NUTM1: variants seen among roughly 807,000 people sequenced by gnomAD.
NUTM1 encodes NUT family member 1.
Under a neutral mutation model 88.7 loss-of-function variants are expected in NUTM1, and 39 were observed. The observed-to-expected ratio is 0.44, with a 90% confidence interval of 0.34 to 0.57. The LOEUF (loss-of-function observed/expected upper bound fraction) is 0.57. Ranked by LOEUF, NUTM1 falls within the 20% of genes least tolerant of loss-of-function variation. NUTM1 has a pLI of 0.01. For missense variants in NUTM1, 1,350 were observed against 1,414.5 expected (o/e 0.95, Z 0.73); for synonymous variants, 494 against 538.0 (o/e 0.92, Z 1.13).
rs1405470030 is a variant in NUTM1 at position 34,355,312 on chromosome 15, A to T, written c.1479+175A>T. 6.6e-6 allele frequency among the ~76,000 whole-genome samples: 1 copy of T among 152,210 alleles called. No homozygotes were observed. The highest frequency in any genetic ancestry group is 6.5e-5 in the Admixed American group (1 of 15,284). The stretch of plus-strand genomic sequence containing the variant: ...CAGGAAATGAGAATGTAAGGGCTCA[A>T]AGCATGGGAATAAGGCACAAGAAGG... On this transcript the variant is annotated intron_variant, in intron 7 of 7. Transcript: ENST00000537011. The surrounding 1 kb of genome is among the most constrained non-coding windows in gnomAD (Gnocchi z 4.3).
chr15:34,357,560 C>T lies in NUTM1; in HGVS notation c.*69C>T. The T allele has an allele frequency of 6.2e-7, 1 of 1,607,350 alleles. No homozygotes were observed. On this transcript the variant is annotated 3_prime_UTR_variant, in exon 8 of 8. Coordinates refer to ENST00000537011, the MANE Select transcript of NUTM1 (RefSeq NM_001284292.2). ...TGGGTGCCCCAGAGTAGATTCCACC[C>T]CTGCTGCCCACCAATGGAGAATCCC...
rs1366683953 is a variant in NUTM1 at position 34,354,548 on chromosome 15, C to T, written c.1178C>T (p.Pro393Leu). ...CCTGAGGCACCCAAGGAGATCCCAC[C>T]AGAAGCTGTGAAGGAGTATGTTGAC... ...PAPEAPKEIPPEAVKEYVDIM... is the reference protein window; with the variant it reads ...PAPEAPKEIPLEAVKEYVDIM... Residue 393 changes from proline to leucine, a missense_variant, in exon 6 of 8, where the codon CCA becomes CTA. Coordinates refer to ENST00000537011, the MANE Select transcript of NUTM1 (RefSeq NM_001284292.2). 4 of 1,614,190 alleles carry T rather than the reference C, an allele frequency of 2.5e-6. No individual in the cohort carries two copies. The highest frequency in any genetic ancestry group is 3.4e-6 in the Non-Finnish European group (4 of 1,180,042).
At chr15:34,345,105 TATCTC>T (rs1890563403) in intron 1 of NUTM1, among the ~76,000 whole-genome samples, 1 of 152,064 alleles carries the variant, frequency 6.6e-6, no homozygotes, top group Admixed American at 6.5e-5. Flanking sequence ...AGAGAAAAGA[TATCTC>T]AGAGGAAGCA....
chr15:34,357,220 C>T lies in NUTM1; in HGVS notation c.3212C>T (p.Ser1071Leu), dbSNP rs1890834436. Residue 1071 changes from serine to leucine, a missense_variant, in exon 8 of 8, where the codon TCA becomes TTA. Ser to Leu is a moderately radical substitution (Grantham distance 145, BLOSUM62 -2). Coordinates refer to ENST00000537011, the MANE Select transcript of NUTM1 (RefSeq NM_001284292.2). The part of the protein sequence containing the change: ...REHPLSPHHA[S>L]GGQGSQRASH... The stretch of plus-strand genomic sequence containing the variant: ...CATCCCCTCAGTCCTCACCATGCCT[C>T]AGGAGGTCAGGGCAGCCAGAGAGCA... The T allele has an allele frequency of 6.2e-7, 1 of 1,614,168 alleles. No individual in the cohort carries two copies. Among genetic ancestry groups the T allele is most frequent in the South Asian group, 1.1e-5 (1 of 91,080 alleles).
At position 34,355,474 on chromosome 15, in the gene NUTM1, T is replaced by C. The variant is rs375124795; in HGVS notation, c.1480-14T>C. The C allele has an allele frequency of 6.2e-7, 1 of 1,613,938 alleles. No homozygotes were observed. The highest frequency in any genetic ancestry group is 1.3e-5 in the African/African-American group (1 of 75,040). ...AACCACGTATAGAACTGACTATTTG[T>C]TCATTTCTTTCAGCTGGTCCAGAAG... On this transcript the variant is annotated splice_polypyrimidine_tract_variant and intron_variant, in intron 7 of 7. Coordinates refer to ENST00000537011, the MANE Select transcript of NUTM1 (RefSeq NM_001284292.2). This position sits in a 1 kb window ranked among gnomAD's most constrained non-coding sequence, Gnocchi z 4.3.
chr15:34,347,789 A>C (rs141080774), intron 2 of NUTM1, among the ~76,000 whole-genome samples, 180 bp from the exon 3 acceptor site: 1,749 of 152,048 alleles, frequency 0.012, 14 homozygotes, highest in African/African-American at 0.026. Flanking sequence ...GGAGGCGGAG[A>C]TTGCAGTGAG....
Position 34,357,621 on chromosome 15 carries a change from C to T in NUTM1, c.*130C>T. 1 of 1,562,186 alleles carries T rather than the reference C, an allele frequency of 6.4e-7. No homozygotes were observed. Among genetic ancestry groups the T allele is most frequent in the Non-Finnish European group, 8.7e-7 (1 of 1,145,982 alleles). The stretch of plus-strand genomic sequence containing the variant: ...CTCATCCCAATGTTGTTTTGTTGTT[C>T]TGCAAAAGTGGCAAGCATGGAGAGA... On this transcript the variant is annotated 3_prime_UTR_variant, in exon 8 of 8. Coordinates refer to ENST00000537011, the MANE Select transcript of NUTM1 (RefSeq NM_001284292.2).
At chr15:34,347,199 C>T (rs532556365) in intron 2 of NUTM1, among the ~76,000 whole-genome samples, 22 of 151,820 alleles carry the variant, frequency 1.4e-4, no homozygotes, top group African/African-American at 4.6e-4. Context: ...AGGAGGATCA[C>T]TTGAGGCCAG....
intron 3 of NUTM1, among the ~76,000 whole-genome samples, chr15:34,349,277 A>C (rs1890664404): frequency 6.6e-6 from 1 of 152,356 alleles, no homozygotes; most frequent in South Asian, 2.1e-4. Context: ...GATCCTGGGC[A>C]GGACATTTAA....
intron 1 of NUTM1, among the ~76,000 whole-genome samples, chr15:34,344,634 G>C (rs1475833674): frequency 6.6e-6 from 1 of 152,152 alleles, no homozygotes; most frequent in Non-Finnish European, 1.5e-5. Flanking sequence ...GCAGGAGAAA[G>C]GGGTAAGGGT....
chr15:34,355,777 G>A lies in NUTM1; in HGVS notation c.1769G>A (p.Ser590Asn), dbSNP rs1046839152. The A allele has an allele frequency of 2.5e-6, 4 of 1,614,218 alleles. No homozygotes were observed. Among genetic ancestry groups the A allele is most frequent in the Non-Finnish European group, 3.4e-6 (4 of 1,180,036 alleles). ...GGGAACACTCTGCCATCCCCCAGCA[G>A]CTGGGACCTGCAGCCAGAACTTGCA... ...RDGNTLPSPS[S>N]WDLQPELAAP... Residue 590 changes from serine (S) to asparagine (N), a missense_variant, in exon 8 of 8, where the codon AGC (serine) becomes AAC (asparagine). By Grantham distance (46) the Ser-to-Asn change is conservative. Transcript: ENST00000537011. The surrounding 1 kb of genome is among the most constrained non-coding windows in gnomAD (Gnocchi z 4.3).
At chr15:34,350,254 T>C (rs1463786119) in intron 3 of NUTM1, among the ~76,000 whole-genome samples, 2 of 152,106 alleles carry the variant, frequency 1.3e-5, no homozygotes, top group African/African-American at 4.8e-5. Flanking sequence ...AACCAATAAA[T>C]AAAAACACCA....
At position 34,356,634 on chromosome 15, in the gene NUTM1, G is replaced by A. The variant is rs764240832; in HGVS notation, c.2626G>A (p.Asp876Asn). Residue 876 changes from aspartate to asparagine, a missense_variant, in exon 8 of 8, where the codon GAT becomes AAT. Around this residue, in one of 5 missense-constraint regions of NUTM1, gnomAD observed 730 missense variants for 728.8 expected, o/e 1.00. Coordinates refer to ENST00000537011, the MANE Select transcript of NUTM1 (RefSeq NM_001284292.2). ...TTGCTTCCCATTGCTAGAAAGTGGT[G>A]ATTCCACACTGGGGTCTTCCAAAGA... ...EGCFPLLESGDSTLGSSKETL... is the reference protein window; with the variant it reads ...EGCFPLLESGNSTLGSSKETL... 6.2e-7 allele frequency: 1 copy of A among 1,613,898 alleles called. No homozygotes were observed. The highest frequency in any genetic ancestry group is 1.7e-5 in the Admixed American group (1 of 59,992).
chr15:34,354,914 A>G, intron 6 of NUTM1, 107 bp from the exon 7 acceptor site: 1 of 1,014,614 alleles, frequency 9.9e-7, no homozygotes, highest in South Asian at 1.4e-5. Flanking sequence ...ACAATACCGG[A>G]GGGGTAAGAG....
In NUTM1 at chr15:34,350,712, T is replaced by G. The variant is rs529218751; in HGVS notation, c.818T>G (p.Leu273Arg). The G allele has an allele frequency of 3.1e-6, 5 of 1,612,320 alleles. No individual in the cohort carries two copies. In the African/African-American group the frequency reaches 5.3e-5, roughly 17 times the overall value. Reference sequence around the variant, plus strand: ...CTCAATGGGGGTTTTAGCCCAGTGCTTCGTTCCCTGGCCCGGCTGAAGCCC... The same window carrying G: ...CTCAATGGGGGTTTTAGCCCAGTGCGTCGTTCCCTGGCCCGGCTGAAGCCC... ...EALSCFLIPV[L>R]RSLARLKPTM... Residue 273 changes from leucine to arginine, a missense_variant, in exon 4 of 8, where the codon CTT (leucine) becomes CGT (arginine). By Grantham distance (102) the Leu-to-Arg change is moderately radical (BLOSUM62 -2). Around this residue, in one of 5 missense-constraint regions of NUTM1, gnomAD observed 399 missense variants for 397.9 expected, o/e 1.00. Transcript: ENST00000537011.
chr15:34,345,814 C>T, intron 1 of NUTM1, 128 bp from the exon 2 acceptor site: 2 of 1,319,468 alleles, frequency 1.5e-6, no homozygotes, highest in Admixed American at 2.5e-5. Context: ...AATATCTGTC[C>T]CCACCCTCAC....
intron 3 of NUTM1, 92 bp from the exon 4 acceptor site, chr15:34,350,612 T>G (rs1230054928): frequency 2.0e-6 from 3 of 1,476,882 alleles, no homozygotes; most frequent in Non-Finnish European, 2.7e-6. Flanking sequence ...ATAGATTTGA[T>G]GAGGGGCAGG....
In NUTM1 at chr15:34,355,538, G is replaced by A. The variant is rs370333183; in HGVS notation, c.1530G>A (p.Ala510=). ...MALEEEEDAE[A]PPSFSGAQLD... ...TGGAAGAGGAGGAAGATGCAGAGGC[G>A]CCTCCAAGTTTCAGTGGCGCTCAGT... The change falls in exon 8 of 8, where the codon GCG becomes GCA. Residue 510 remains alanine, a synonymous_variant. Coordinates refer to ENST00000537011, the MANE Select transcript of NUTM1 (RefSeq NM_001284292.2). The surrounding 1 kb of genome is among the most constrained non-coding windows in gnomAD (Gnocchi z 4.3). The A allele has an allele frequency of 6.8e-6, 11 of 1,613,930 alleles. No individual in the cohort carries two copies. The highest frequency in any genetic ancestry group is 1.3e-5 in the African/African-American group (1 of 74,926).
rs1566890773 is a variant in NUTM1, at chr15:34,355,833, G to A, written c.1825G>A (p.Val609Met). Residue 609 changes from valine (V) to methionine (M), a missense_variant, in exon 8 of 8, where the codon GTG (valine) becomes ATG (methionine). By Grantham distance (21) the Val-to-Met change is conservative. Transcript: ENST00000537011. This position sits in a 1 kb window ranked among gnomAD's most constrained non-coding sequence, Gnocchi z 4.3. ...ACAGGGAACTCCGGGACCCTTGGGTGTGGAGAGGAGAGGGTCTGGGAAGGT... is the reference window on the plus strand; with the variant it reads ...ACAGGGAACTCCGGGACCCTTGGGTATGGAGAGGAGAGGGTCTGGGAAGGT... The part of the protein sequence containing the change: ...APQGTPGPLG[V>M]ERRGSGKVIN... 2 of 1,614,190 alleles carry A rather than the reference G, an allele frequency of 1.2e-6. No homozygotes were observed. The highest frequency in any genetic ancestry group is 2.2e-5 in the South Asian group (2 of 91,088).
Sources: gnomAD v4.1 joint callset for allele counts (sites outside exome capture counted in the v4.1 genomes callset) on GRCh38, gnomAD v4.1.1 for gene constraint, gnomAD v4.1.1 regional missense constraint, Gnocchi (gnomAD v3.1) non-coding constraint, MANE v1.5 for transcripts, NCBI Gene and HGNC (gene_info 2026-07-23, HGNC 2026-07-21) for gene names.